The following BCAR3 variants were observed in gnomAD, a reference collection of about 807,000 sequenced individuals.
The protein encoded by BCAR3 is breast cancer anti-estrogen resistance protein 3.
In BCAR3, 37 loss-of-function variants were observed where a neutral mutation model predicts 80.1. The observed-to-expected ratio is 0.46, with a 90% CI of 0.36 to 0.61. The LOEUF is 0.61. Ranked by LOEUF, BCAR3 falls within the 20% of genes least tolerant of loss-of-function variation. The pLI is 0.00. For synonymous variants in BCAR3, 389 were observed against 418.9 expected (o/e 0.93, Z 0.87); for missense variants, 978 against 1,068.2 (o/e 0.92, Z 1.18).
chr1:93,832,270 T>G (rs1417930668), intron 2 of BCAR3, among the ~76,000 whole-genome samples: 1 of 152,094 alleles, frequency 6.6e-6, no homozygotes, highest in Non-Finnish European at 1.5e-5. Context: ...CACAAGAACT[T>G]CCAAACGCCT....
chr1:93,667,067 T>C (rs74336112), intron 2 of BCAR3, among the ~76,000 whole-genome samples: 2,996 of 152,288 alleles, frequency 0.02, 44 homozygotes, highest in Non-Finnish European at 0.029. Context: ...TTTGAGGACA[T>C]GGAGACTCAG....
chr1:93,698,504 T>G (rs936112722), intron 3 of BCAR3, among the ~76,000 whole-genome samples: 1 of 152,164 alleles, frequency 6.6e-6, no homozygotes, highest in Non-Finnish European at 1.5e-5. Context: ...GACTGTGCCC[T>G]ACTCCTCCTT....
rs1673931414 is a variant in BCAR3 at position 93,586,089 on chromosome 1, A to G, written c.930-1968T>C. ...AATTACACTCTTTATTTTAAAATAT[A>G]TAATTGTTTTGACTACAGTCACCCT... On this transcript the variant is annotated intron_variant, in intron 5 of 11. Transcript: ENST00000260502. This position sits in a 1 kb window ranked among gnomAD's most constrained non-coding sequence, Gnocchi z 4.2. 6.6e-6 allele frequency among the ~76,000 whole-genome samples: 1 copy of G among 152,174 alleles called. No homozygotes were observed. Among genetic ancestry groups the G allele is most frequent in the African/African-American group, 2.4e-5 (1 of 41,440 alleles).
intron 2 of BCAR3, among the ~76,000 whole-genome samples, chr1:93,830,259 G>A (rs1654511953): frequency 6.6e-6 from 1 of 152,076 alleles, no homozygotes; most frequent in South Asian, 2.1e-4. Flanking sequence ...TCAGGAGTTC[G>A]AGACCAACCT....
intron 2 of BCAR3, among the ~76,000 whole-genome samples, chr1:93,790,521 T>A (rs1022529863): frequency 2.0e-5 from 3 of 152,018 alleles, no homozygotes; most frequent in Admixed American, 2.0e-4. Flanking sequence ...GTCCTAAAGG[T>A]AGCTTTCCTA....
At chr1:93,707,093 T>C (rs1649852798) in intron 2 of BCAR3, among the ~76,000 whole-genome samples, 1 of 151,912 alleles carries the variant, frequency 6.6e-6, no homozygotes, top group African/African-American at 2.4e-5. Flanking sequence ...GAAAATTGCT[T>C]GAACCTGGGA....
At chr1:93,845,194 C>T (rs1209438689) in intron 2 of BCAR3, among the ~76,000 whole-genome samples, 2 of 151,804 alleles carry the variant, frequency 1.3e-5, no homozygotes, top group Non-Finnish European at 2.9e-5. Context: ...AGATTTGGCT[C>T]CAATACCCCA....
chr1:93,618,927 T>TG (rs1268188600), intron 3 of BCAR3, among the ~76,000 whole-genome samples: 1 of 132,950 alleles, frequency 7.5e-6, no homozygotes, highest in East Asian at 1.9e-4. Flanking sequence ...GCCGTGGGTT[T>TG]TTTTTTTTTT....
At chr1:93,677,062 C>G (rs1449016688) in intron 1 of BCAR3, among the ~76,000 whole-genome samples, 1 of 152,214 alleles carries the variant, frequency 6.6e-6, no homozygotes, top group South Asian at 2.1e-4. Flanking sequence ...ATTTAAGTGC[C>G]TATTTCATAC....
At chr1:93,712,073 G>A (rs1431521920) in intron 2 of BCAR3, among the ~76,000 whole-genome samples, 1 of 152,178 alleles carries the variant, frequency 6.6e-6, no homozygotes, top group African/African-American at 2.4e-5. Flanking sequence ...ACTCTGCTGA[G>A]CCCCAGTTTC....
chr1:93,643,350 C>A (rs1231041177), intron 2 of BCAR3, among the ~76,000 whole-genome samples: 4 of 151,024 alleles, frequency 2.6e-5, no homozygotes, highest in African/African-American at 9.7e-5. Flanking sequence ...CATGGTGAAA[C>A]CCCGTCTCTA....
intron 3 of BCAR3, among the ~76,000 whole-genome samples, chr1:93,618,413 T>C (rs1675204709): frequency 6.6e-6 from 1 of 152,244 alleles, no homozygotes; most frequent in Admixed American, 6.5e-5. Flanking sequence ...GCCTAGCACA[T>C]AAACAAAGAG....
At chr1:93,717,337 T>C (rs1490001981) in intron 2 of BCAR3, among the ~76,000 whole-genome samples, 1 of 152,262 alleles carries the variant, frequency 6.6e-6, no homozygotes, top group African/African-American at 2.4e-5. Flanking sequence ...AATAAATTGT[T>C]GTTGCCTTGA....
chr1:93,780,894 C>A (rs1432548093), intron 2 of BCAR3, among the ~76,000 whole-genome samples: 1 of 152,188 alleles, frequency 6.6e-6, no homozygotes, highest in Non-Finnish European at 1.5e-5. Context: ...CTCAAAACAG[C>A]CTTGTCCTGA....
intron 2 of BCAR3, among the ~76,000 whole-genome samples, chr1:93,725,831 A>G (rs1429772116): frequency 6.6e-6 from 1 of 152,192 alleles, no homozygotes; most frequent in Non-Finnish European, 1.5e-5. Flanking sequence ...AATTATCATT[A>G]CTTATTTACT....
chr1:93,826,117 C>A (rs1654364686), intron 2 of BCAR3, among the ~76,000 whole-genome samples: 1 of 152,062 alleles, frequency 6.6e-6, no homozygotes. Context: ...TTTAGAGTGC[C>A]CTGCCATGGT....
At chr1:93,636,019 T>A (rs1675768184) in intron 3 of BCAR3, among the ~76,000 whole-genome samples, 2 of 152,188 alleles carry the variant, frequency 1.3e-5, no homozygotes, top group Admixed American at 1.3e-4. Context: ...ATTCTTGGCA[T>A]TGGAATTTGC....
At chr1:93,570,455 C>A (rs1673166522) in intron 9 of BCAR3, among the ~76,000 whole-genome samples, 2 of 152,204 alleles carry the variant, frequency 1.3e-5, no homozygotes, top group Non-Finnish European at 2.9e-5. Flanking sequence ...GAGTGCTGAT[C>A]CTCAGCAATA....
At chr1:93,636,732 A>T (rs236276) in intron 3 of BCAR3, among the ~76,000 whole-genome samples, 1,802 of 152,282 alleles carry the variant, frequency 0.012, 35 homozygotes, top group African/African-American at 0.04. Flanking sequence ...AAAAAACTAC[A>T]GCTTAAACCA....
Sources: gnomAD v4.1 joint callset for allele counts (sites outside exome capture counted in the v4.1 genomes callset) on GRCh38, gnomAD v4.1.1 for gene constraint, Gnocchi (gnomAD v3.1) non-coding constraint, MANE v1.5 for transcripts, NCBI Gene and HGNC (gene_info 2026-07-23, HGNC 2026-07-21) for gene names.